The following SLC25A21 variants were observed in gnomAD, a reference collection of about 807,000 sequenced individuals.
SLC25A21 encodes the protein solute carrier family 25 member 21.
Under a neutral mutation model 43.8 loss-of-function variants are expected in SLC25A21, and 47 were observed. The observed-to-expected ratio is 1.07, with a 90% CI of 0.85 to 1.37. SLC25A21 has a LOEUF of 1.37. SLC25A21 is among the 40% of genes most tolerant of loss of function. The probability of loss-of-function intolerance (pLI) is 0.00; values close to 1 mark genes in which losing one functional copy is unlikely to be tolerated. For missense variants in SLC25A21, 352 were observed against 350.2 expected, an observed-to-expected ratio of 1.00 and a Z score of -0.04; for synonymous variants, 131 against 121.3, an observed-to-expected ratio of 1.08 and a Z score of -0.52.
At chr14:36,909,168 A>G (rs2138609110) in intron 1 of SLC25A21, among the ~76,000 whole-genome samples, 1 of 152,248 alleles carries the variant, frequency 6.6e-6, no homozygotes, top group East Asian at 1.9e-4. Context: ...TGCACTGAAA[A>G]ACAGGTTTGA....
At chr14:36,733,972 T>C (rs1884932057) in intron 4 of SLC25A21, among the ~76,000 whole-genome samples, 1 of 152,194 alleles carries the variant, frequency 6.6e-6, no homozygotes, top group African/African-American at 2.4e-5. Flanking sequence ...ATAATTTTTG[T>C]TAAGAACCAG....
chr14:36,832,819 C>G (rs1594626103), intron 2 of SLC25A21, among the ~76,000 whole-genome samples: 1 of 152,174 alleles, frequency 6.6e-6, no homozygotes, highest in Non-Finnish European at 1.5e-5. Flanking sequence ...TTTTAGCACT[C>G]TCTATAATGA....
At chr14:37,081,022 A>G (rs1188360013) in intron 1 of SLC25A21, among the ~76,000 whole-genome samples, 2 of 152,188 alleles carry the variant, frequency 1.3e-5, no homozygotes, top group East Asian at 3.9e-4. Flanking sequence ...GGAGAGAGGC[A>G]GGGGGATAGT....
intron 7 of SLC25A21, among the ~76,000 whole-genome samples, chr14:36,692,955 C>T (rs866192964): frequency 2.6e-5 from 4 of 152,162 alleles, no homozygotes; most frequent in African/African-American, 9.7e-5. Flanking sequence ...GGGGGTATCA[C>T]AAAAGTATTT....
Position 37,056,997 on chromosome 14 carries a change from G to A in SLC25A21, c.70+115284C>T, listed in dbSNP as rs923351323. ...TTGGTTTCTTTAAACCTCATCACACGAAAAAGCCAAAGACCACTTTAAATA... is the reference window on the plus strand; with the variant it reads ...TTGGTTTCTTTAAACCTCATCACACAAAAAAGCCAAAGACCACTTTAAATA... On this transcript the variant is annotated intron_variant, in intron 1 of 9. Transcript: ENST00000331299. 5.9e-5 allele frequency among the ~76,000 whole-genome samples: 9 copies of A among 152,060 alleles called. 1 individual carries two copies. Among genetic ancestry groups the A allele is most frequent in the Admixed American group, 1.3e-4 (2 of 15,270 alleles).
chr14:36,944,358 T>C (rs531948364), intron 1 of SLC25A21, among the ~76,000 whole-genome samples: 1 of 152,288 alleles, frequency 6.6e-6, no homozygotes, highest in Non-Finnish European at 1.5e-5. Context: ...GAAAACTGCC[T>C]TCAGCTTGCG....
At chr14:36,753,332 T>C (rs1052949100) in intron 3 of SLC25A21, among the ~76,000 whole-genome samples, 3 of 152,142 alleles carry the variant, frequency 2.0e-5, no homozygotes, top group African/African-American at 2.4e-5. Context: ...AAGCTACTAA[T>C]TCCAATTAGG....
At chr14:37,121,058 A>G (rs1963198713) in intron 1 of SLC25A21, among the ~76,000 whole-genome samples, 1 of 152,198 alleles carries the variant, frequency 6.6e-6, no homozygotes, top group Admixed American at 6.5e-5. Flanking sequence ...TTTAACCTTA[A>G]GTGACCTGAA....
intron 1 of SLC25A21, among the ~76,000 whole-genome samples, chr14:36,971,456 G>C (rs2138686569): frequency 6.6e-6 from 1 of 152,238 alleles, no homozygotes; most frequent in Non-Finnish European, 1.5e-5. Context: ...AAGCCCATTT[G>C]CATAATAAGA....
intron 1 of SLC25A21, among the ~76,000 whole-genome samples, chr14:36,904,737 A>C (rs967886452): frequency 1.3e-5 from 2 of 152,082 alleles, no homozygotes; most frequent in Non-Finnish European, 2.9e-5. Context: ...ACACTTATAA[A>C]CCCATCAGAT....
At chr14:37,002,719 T>C (rs1023104298) in intron 1 of SLC25A21, among the ~76,000 whole-genome samples, 3 of 151,442 alleles carry the variant, frequency 2.0e-5, no homozygotes, top group Non-Finnish European at 4.4e-5. Context: ...TTACAAACTG[T>C]ACAAAACAGT....
intron 1 of SLC25A21, among the ~76,000 whole-genome samples, chr14:37,029,671 T>C (rs1484118584): frequency 2.0e-5 from 3 of 151,446 alleles, no homozygotes; most frequent in African/African-American, 7.3e-5. Context: ...TTCAGCAAGA[T>C]AGGGAGTAGG....
chr14:36,815,309 A>G (rs971059609), intron 2 of SLC25A21, among the ~76,000 whole-genome samples: 1 of 152,110 alleles, frequency 6.6e-6, no homozygotes, highest in African/African-American at 2.4e-5. Flanking sequence ...CACGTTCTGC[A>G]TATGTATCCT....
chr14:36,688,284 G>A (rs908789069), intron 7 of SLC25A21, among the ~76,000 whole-genome samples: 7 of 152,140 alleles, frequency 4.6e-5, no homozygotes, highest in Non-Finnish European at 1.0e-4. Flanking sequence ...CCGAGATACT[G>A]TCTGAACAAC....
intron 1 of SLC25A21, among the ~76,000 whole-genome samples, chr14:36,899,348 T>C (rs1220319621): frequency 6.6e-6 from 1 of 152,238 alleles, no homozygotes; most frequent in Non-Finnish European, 1.5e-5. Context: ...CATATCATGA[T>C]GTCTAATAAA....
chr14:37,096,188 A>G (rs952156654), intron 1 of SLC25A21, among the ~76,000 whole-genome samples: 1 of 152,202 alleles, frequency 6.6e-6, no homozygotes, highest in Non-Finnish European at 1.5e-5. Flanking sequence ...TATAAAGTGC[A>G]TTATTGGATC....
At chr14:36,769,420 T>C (rs1015728038) in intron 3 of SLC25A21, among the ~76,000 whole-genome samples, 2 of 152,190 alleles carry the variant, frequency 1.3e-5, no homozygotes, top group African/African-American at 2.4e-5. Context: ...AAACTATCAG[T>C]TTTGAAGGTG....
At position 36,772,350 on chromosome 14, in the gene SLC25A21, C is replaced by T. The variant is rs10143605; in HGVS notation, c.204-37777G>A. 5.8e-3 allele frequency among the ~76,000 whole-genome samples: 876 copies of T among 152,238 alleles called. 7 individuals carry two copies. Among genetic ancestry groups the T allele is most frequent in the African/African-American group, 0.02 (821 of 41,542 alleles). On this transcript the variant is annotated intron_variant, in intron 3 of 9. Transcript: ENST00000331299. ...TGAGACATAAAAAAATCTCCAAATC[C>T]GTGAACATGGAGATATTTGCACAGG...
chr14:36,850,106 T>A (rs1889677770), intron 2 of SLC25A21, among the ~76,000 whole-genome samples: 1 of 151,930 alleles, frequency 6.6e-6, no homozygotes, highest in African/African-American at 2.4e-5. Context: ...TATAGTAGCA[T>A]CCCTTCCAGA....
Sources: allele counts gnomAD v4.1 joint callset (sites outside exome capture counted in the v4.1 genomes callset), GRCh38; gene constraint gnomAD v4.1.1; transcripts MANE v1.5; gene names NCBI Gene and HGNC (gene_info 2026-07-23, HGNC 2026-07-21).